Variants in GANC observed in about 807,000 individuals in gnomAD.
GANC encodes the protein neutral alpha-glucosidase C.
A neutral mutation model predicts 124.2 loss-of-function variants in GANC; 117 were observed. The observed-to-expected ratio is 0.94, with a 90% confidence interval of 0.81 to 1.10. GANC has a LOEUF of 1.10. Among genes scored for constraint, GANC ranks in the 50% least tolerant of loss-of-function variants. The pLI is 0.00. For synonymous variants in GANC, 377 were observed against 376.8 expected (o/e 1.00, Z -0.01); for missense variants, 1,140 against 1,095.0 (o/e 1.04, Z -0.58).
At chr15:42,296,874 T>A (rs1300316606) in intron 5 of GANC, among the ~76,000 whole-genome samples, 1 of 150,150 alleles carries the variant, frequency 6.7e-6, no homozygotes, top group Non-Finnish European at 1.5e-5. Context: ...TTGGAAGATA[T>A]GGTCTCACTA....
intron 10 of GANC, chr15:42,313,914 T>C: frequency 1.7e-6 from 1 of 603,602 alleles, no homozygotes; most frequent in East Asian, 2.8e-5. Flanking sequence ...TTCATGCTGC[T>C]GCTCTCCCGC....
At chr15:42,288,531 T>C (rs1464450810) in intron 4 of GANC, among the ~76,000 whole-genome samples, 1 of 152,216 alleles carries the variant, frequency 6.6e-6, no homozygotes, top group Non-Finnish European at 1.5e-5. Flanking sequence ...TACTGTAGTT[T>C]TATGTAGATT....
At chr15:42,331,950 A>G (rs1348157106) in intron 15 of GANC, among the ~76,000 whole-genome samples, 1 of 152,202 alleles carries the variant, frequency 6.6e-6, no homozygotes, top group Admixed American at 6.5e-5. Context: ...TTAGATGTAC[A>G]TATTTTCAGG....
At chr15:42,293,144 G>A (rs1200704634) in intron 5 of GANC, among the ~76,000 whole-genome samples, 1 of 152,212 alleles carries the variant, frequency 6.6e-6, no homozygotes, top group Non-Finnish European at 1.5e-5. Context: ...TGTCCTGTGT[G>A]TAACTGATGG....
chr15:42,276,352 GA>G lies in GANC; in HGVS notation c.36del (p.Asp13MetfsTer4). 1 of 1,435,636 alleles carries G rather than the reference GA, an allele frequency of 7.0e-7. No individual in the cohort carries two copies. Among genetic ancestry groups the G allele is most frequent in the Non-Finnish European group, 9.8e-7 (1 of 1,021,758 alleles). 88.9% of individuals were successfully genotyped at this position (1,435,636 alleles called of 1,614,324 possible). ...EAAVKEEISL[E>X]DEAVDKNIFR... ...TCAAAATGTCTTTTTATTTAGTCTT[GA>G]AGATGAAGCTGTAGATAAAAACATT... On this transcript the variant is annotated frameshift_variant, in exon 2 of 24. Coordinates refer to ENST00000318010, the MANE Select transcript of GANC (RefSeq NM_198141.3). LOFTEE classifies it high-confidence loss of function.
intron 9 of GANC, 68 bp from the exon 10 acceptor site, chr15:42,310,625 C>T (rs1218030335): frequency 1.3e-6 from 2 of 1,566,016 alleles, no homozygotes; most frequent in African/African-American, 1.4e-5. Context: ...CAGACTGTTA[C>T]TTATATGTGG....
intron 6 of GANC, among the ~76,000 whole-genome samples, chr15:42,300,976 C>A (rs2051939726): frequency 1.3e-5 from 2 of 151,292 alleles, no homozygotes; most frequent in East Asian, 3.9e-4. Flanking sequence ...CAAGATGATG[C>A]CATTGCACTC....
rs2052162415 is a variant in GANC at position 42,321,966 on chromosome 15, C to G, written c.1239C>G (p.Asn413Lys). ...AGAGGTACTTCACCTGGGACAAAAA[C>G]AGATTCCCAAACCCCAAGAGGATGC... ...EGKRYFTWDK[N>K]RFPNPKRMQE... is the part of the protein sequence containing the mutation. Residue 413 changes from asparagine (N) to lysine (K), a missense_variant, in exon 11 of 24, where the codon AAC becomes AAG. Asn to Lys is a moderately conservative substitution (Grantham distance 94). Coordinates refer to ENST00000318010, the MANE Select transcript of GANC (RefSeq NM_198141.3). 6.2e-7 allele frequency: 1 copy of G among 1,614,082 alleles called. No individual in the cohort carries two copies. The highest frequency in any genetic ancestry group is 1.7e-5 in the Admixed American group (1 of 59,998).
chr15:42,316,557 C>T (rs924720216), intron 10 of GANC, among the ~76,000 whole-genome samples: 12 of 152,192 alleles, frequency 7.9e-5, no homozygotes, highest in Admixed American at 5.9e-4. Context: ...GACTTTAAGA[C>T]TTTCACTATT....
In GANC at chr15:42,330,642, C is replaced by T. The variant is rs139393186; in HGVS notation, c.1711C>T (p.Arg571Cys). 102 of 1,609,132 alleles carry T rather than the reference C, an allele frequency of 6.3e-5. No individual in the cohort carries two copies. In the African/African-American group the frequency reaches 1.2e-3, roughly 19 times the overall value. ...KGKERPFVLT[R>C]SFFAGSQKYG... ...GAAGGAGAGACCCTTTGTTCTTACA[C>T]GTTCTTTCTTTGCTGGATCACAAAA... is the stretch of plus-strand genomic sequence containing the variant. The change falls in exon 15 of 24, where the codon CGT becomes TGT. Residue 571 changes from arginine (R) to cysteine (C), a missense_variant. Arg to Cys is a radical substitution (Grantham distance 180). Transcript: ENST00000318010.
chr15:42,336,744 G>A (rs762747158), intron 15 of GANC, among the ~76,000 whole-genome samples: 36 of 152,118 alleles, frequency 2.4e-4, no homozygotes, highest in Non-Finnish European at 4.3e-4. Context: ...TCTGACAAAG[G>A]TCTAATATCC....
intron 3 of GANC, among the ~76,000 whole-genome samples, chr15:42,285,022 C>T (rs1450195083): frequency 2.0e-5 from 3 of 152,102 alleles, no homozygotes; most frequent in Non-Finnish European, 4.4e-5. Context: ...CATTTCCAAT[C>T]ATCACTAACA....
intron 15 of GANC, among the ~76,000 whole-genome samples, chr15:42,333,793 T>C (rs1035193818): frequency 1.3e-5 from 2 of 152,250 alleles, no homozygotes; most frequent in African/African-American, 4.8e-5. Flanking sequence ...ATTATTGTTA[T>C]TGCTACTGTT....
chr15:42,344,156 G>A (rs994690587), intron 19 of GANC, among the ~76,000 whole-genome samples: 4 of 152,184 alleles, frequency 2.6e-5, no homozygotes, highest in Non-Finnish European at 5.9e-5. Context: ...TTAGTTTCTT[G>A]AGGCTTCTGT....
Position 42,339,709 on chromosome 15 carries a change from G to C in GANC, c.1884G>C (p.Leu628=), listed in dbSNP as rs565476599. ...GGFIGNPETE[L]LVRWYQAGAY... ...TCATTGGGAATCCAGAGACAGAGCT[G>C]CTAGTGCGTTGGTACCAGGCTGGAG... Residue 628 remains leucine, a synonymous_variant, in exon 17 of 24, where the codon CTG becomes CTC. Coordinates refer to ENST00000318010, the MANE Select transcript of GANC (RefSeq NM_198141.3). 1.2e-6 allele frequency: 2 copies of C among 1,614,110 alleles called. No homozygotes were observed. Among genetic ancestry groups the C allele is most frequent in the East Asian group, 2.2e-5 (1 of 44,880 alleles).
chr15:42,300,600 A>G (rs2051936178), intron 6 of GANC, among the ~76,000 whole-genome samples: 1 of 152,250 alleles, frequency 6.6e-6, no homozygotes, highest in African/African-American at 2.4e-5. Flanking sequence ...ATTACTTGGT[A>G]TATACCCAAA....
intron 3 of GANC, among the ~76,000 whole-genome samples, chr15:42,281,492 A>G (rs967396582): frequency 6.6e-6 from 1 of 151,848 alleles, no homozygotes; most frequent in Non-Finnish European, 1.5e-5. Flanking sequence ...GAGACCAGCT[A>G]TGGCCAACAT....
At chr15:42,284,001 A>G in intron 3 of GANC, 2 of 702,548 alleles carry the variant, frequency 2.8e-6, no homozygotes, top group Non-Finnish European at 5.2e-6. Context: ...CAGCAATTTA[A>G]TGAACTATTA....
At chr15:42,315,655 G>A (rs1439735463) in intron 10 of GANC, among the ~76,000 whole-genome samples, 4 of 152,176 alleles carry the variant, frequency 2.6e-5, no homozygotes, top group Non-Finnish European at 5.9e-5. Context: ...TGACTAGGTC[G>A]TGGTACCCAG....
Sources: gnomAD v4.1 joint callset for allele counts (sites outside exome capture counted in the v4.1 genomes callset) on GRCh38, gnomAD v4.1.1 for gene constraint, MANE v1.5 for transcripts, NCBI Gene and HGNC (gene_info 2026-07-23, HGNC 2026-07-21) for gene names.